ACTL8: variants seen among roughly 807,000 people sequenced by gnomAD.
The protein encoded by ACTL8 is actin-like protein 8.
ACTL8 carries 3 observed loss-of-function variants against 9.3 expected under a neutral mutation model. The ratio of observed to expected loss-of-function variants is 0.32; its 90% CI spans 0.15 to 0.83. ACTL8 has a LOEUF of 0.83. ACTL8 is among the 40% of genes least tolerant of loss of function. ACTL8 has a pLI of 0.57. For missense variants in ACTL8, 381 were observed against 492.2 expected (o/e 0.77, Z 2.14); for synonymous variants, 224 against 205.9 (o/e 1.09, Z -0.75).
chr1:17,763,900 G>T (rs1410992681), intron 1 of ACTL8, among the ~76,000 whole-genome samples: 1 of 152,158 alleles, frequency 6.6e-6, no homozygotes, highest in African/African-American at 2.4e-5. Flanking sequence ...ATGCTTTACC[G>T]GCTGATGACT....
intron 1 of ACTL8, among the ~76,000 whole-genome samples, chr1:17,768,537 A>G (rs371057845): frequency 6.6e-6 from 1 of 152,332 alleles, no homozygotes. Context: ...TTAAGATGCT[A>G]AGGATGGAGG....
intron 1 of ACTL8, among the ~76,000 whole-genome samples, chr1:17,757,935 T>C (rs1237921404): frequency 6.6e-6 from 1 of 152,176 alleles, no homozygotes; most frequent in South Asian, 2.1e-4. Flanking sequence ...TGTGATGTCA[T>C]GATGTGGAAG....
intron 1 of ACTL8, among the ~76,000 whole-genome samples, chr1:17,766,574 G>A (rs112106709): frequency 1.1e-3 from 166 of 152,312 alleles, no homozygotes; most frequent in African/African-American, 3.5e-3. Flanking sequence ...GTCAGGCACC[G>A]TCCTAATTGA....
At chr1:17,784,020 A>G (rs991447943) in intron 1 of ACTL8, among the ~76,000 whole-genome samples, 1 of 152,188 alleles carries the variant, frequency 6.6e-6, no homozygotes, top group Non-Finnish European at 1.5e-5. Context: ...CTAGTCTGTG[A>G]TATGGGAATC....
intron 1 of ACTL8, among the ~76,000 whole-genome samples, chr1:17,776,969 ATTT>A (rs765972298): frequency 1.8e-3 from 90 of 50,520 alleles, no homozygotes; most frequent in African/African-American, 6.1e-3. Context: ...CTGGCTAATG[ATTT>A]TTTTTTTTTT....
rs777370138 is a variant in ACTL8, at chr1:17,775,104, CTG to C, written c.-25+19601_-25+19602del. ...CTTCTGCAGCTGCCCTGTCTGTACT[CTG>C]AGAGGACTCCTTACATCAGAGCAAA... On this transcript the variant is annotated intron_variant, in intron 1 of 2. Transcript: ENST00000375406. Among the ~76,000 whole-genome samples the C allele has an allele frequency of 8.3e-4, 127 of 152,218 alleles. 2 individuals carry two copies. Among genetic ancestry groups the C allele is most frequent in the Non-Finnish European group, 2.4e-4 (16 of 68,040 alleles).
At chr1:17,810,457 A>C (rs1254831544) in intron 1 of ACTL8, among the ~76,000 whole-genome samples, 2 of 152,202 alleles carry the variant, frequency 1.3e-5, no homozygotes, top group Non-Finnish European at 2.9e-5. Flanking sequence ...AAACACAGGA[A>C]ATTTAACATT....
chr1:17,791,580 G>A (rs891628538), intron 1 of ACTL8, among the ~76,000 whole-genome samples: 1 of 152,220 alleles, frequency 6.6e-6, no homozygotes, highest in African/African-American at 2.4e-5. Context: ...ACATCGGGGT[G>A]CAGAGTGAAT....
At chr1:17,774,338 T>G (rs999074449) in intron 1 of ACTL8, among the ~76,000 whole-genome samples, 19 of 152,050 alleles carry the variant, frequency 1.2e-4, no homozygotes, top group South Asian at 4.1e-4. Context: ...GGGTGTAGGC[T>G]GCTGAGTCCC....
chr1:17,781,277 G>C (rs1394251118), intron 1 of ACTL8, among the ~76,000 whole-genome samples: 3 of 144,804 alleles, frequency 2.1e-5, no homozygotes, highest in Non-Finnish European at 4.5e-5. Context: ...GTCTCACCCT[G>C]TCACCCAGGC....
At chr1:17,786,709 AT>A (rs1032102499) in intron 1 of ACTL8, among the ~76,000 whole-genome samples, 1 of 152,026 alleles carries the variant, frequency 6.6e-6, no homozygotes, top group Non-Finnish European at 1.5e-5. Context: ...TTTAATTATT[AT>A]TTTTTTAGAG....
intron 1 of ACTL8, among the ~76,000 whole-genome samples, chr1:17,795,683 G>T (rs879823238): frequency 6.6e-6 from 1 of 152,188 alleles, no homozygotes; most frequent in African/African-American, 2.4e-5. Flanking sequence ...TAAACAGAAG[G>T]GTGGGGGTCC....
At chr1:17,807,366 T>C (rs1289047976) in intron 1 of ACTL8, among the ~76,000 whole-genome samples, 1 of 152,282 alleles carries the variant, frequency 6.6e-6, no homozygotes, top group Middle Eastern at 3.4e-3. Flanking sequence ...GATACCCTGG[T>C]TCAGTCCTTG....
At position 17,762,418 on chromosome 1, in the gene ACTL8, C is replaced by T. The variant is rs1201044199; in HGVS notation, c.-25+6914C>T. Among the ~76,000 whole-genome samples, 7 of 152,086 alleles carry T rather than the reference C, an allele frequency of 4.6e-5. 1 individual carries two copies. ...GCCCCACCCCCTGGGCCATTTAAAA[C>T]CAGAGGCCCAGGTGCTGTGGCTACG... On this transcript the variant is annotated intron_variant, in intron 1 of 2. Coordinates refer to ENST00000375406, the MANE Select transcript of ACTL8 (RefSeq NM_030812.3).
intron 1 of ACTL8, among the ~76,000 whole-genome samples, chr1:17,759,790 A>C (rs1432619265): frequency 6.6e-6 from 1 of 152,104 alleles, no homozygotes; most frequent in African/African-American, 2.4e-5. Context: ...CTAGCTCAGC[A>C]CTGGGTGGGG....
intron 1 of ACTL8, among the ~76,000 whole-genome samples, chr1:17,762,837 C>T (rs975902616): frequency 1.5e-4 from 23 of 152,164 alleles, no homozygotes; most frequent in Admixed American, 1.4e-3. Flanking sequence ...GGGCTCCCAC[C>T]TCTGGCGCTT....
chr1:17,757,350 G>C (rs1218852158), intron 1 of ACTL8, among the ~76,000 whole-genome samples: 2 of 152,146 alleles, frequency 1.3e-5, no homozygotes, highest in Non-Finnish European at 2.9e-5. Flanking sequence ...TATGACAACA[G>C]TTGGAATCAC....
chr1:17,768,299 G>T (rs1263024121), intron 1 of ACTL8, among the ~76,000 whole-genome samples: 1 of 152,236 alleles, frequency 6.6e-6, no homozygotes, highest in African/African-American at 2.4e-5. Context: ...TGTACCCAGA[G>T]AGAGGGGACC....
At chr1:17,809,748 C>T (rs1269859992) in intron 1 of ACTL8, among the ~76,000 whole-genome samples, 2 of 151,942 alleles carry the variant, frequency 1.3e-5, no homozygotes, top group East Asian at 1.9e-4. Flanking sequence ...CATCTAGTTG[C>T]AGGAAAACAA....
Sources: gnomAD v4.1 joint callset for allele counts (sites outside exome capture counted in the v4.1 genomes callset) on GRCh38, gnomAD v4.1.1 for gene constraint, MANE v1.5 for transcripts, NCBI Gene and HGNC (gene_info 2026-07-23, HGNC 2026-07-21) for gene names.